Variants in MORC4 observed in about 807,000 individuals in gnomAD.
MORC4 encodes MORC family CW-type zinc finger protein 4.
A neutral mutation model predicts 65.5 loss-of-function variants in MORC4; 22 were observed. The ratio of observed to expected loss-of-function variants is 0.34; its 90% CI spans 0.24 to 0.48. MORC4 has a LOEUF of 0.48. Among genes scored for constraint, MORC4 ranks in the 20% least tolerant of loss-of-function variants. The pLI is 0.99. For synonymous variants in MORC4, 267 were observed against 255.8 expected, an observed-to-expected ratio of 1.04 and a Z score of -0.42; for missense variants, 624 against 703.0, an observed-to-expected ratio of 0.89 and a Z score of 1.27.
chrX:106,994,913 A>T (rs1358809003), intron 2 of MORC4, among the ~76,000 whole-genome samples: 1 of 111,187 alleles, frequency 9.0e-6, no homozygotes, highest in Non-Finnish European at 1.9e-5. Context: ...TGATGTTTTG[A>T]TACACTTATA....
intron 13 of MORC4, 42 bp from the exon 14 acceptor site, chrX:106,955,130 A>G (rs961931191): frequency 9.9e-6 from 10 of 1,011,839 alleles, no homozygotes; most frequent in Non-Finnish European, 1.4e-5. Flanking sequence ...TCAAATTCAA[A>G]CCAAATGCCA....
intron 11 of MORC4, among the ~76,000 whole-genome samples, chrX:106,957,398 C>T (rs1934135947): frequency 1.8e-5 from 2 of 111,643 alleles, no homozygotes; most frequent in Admixed American, 9.5e-5. Flanking sequence ...ATTTACTCTC[C>T]ATGGAAAGAT....
intron 9 of MORC4, among the ~76,000 whole-genome samples, chrX:106,972,751 C>A (rs1387270648): frequency 1.8e-5 from 2 of 111,627 alleles, no homozygotes; most frequent in African/African-American, 6.5e-5. Context: ...CCAGACTGAC[C>A]AACATGGAGA....
chrX:106,976,322 C>T (rs1237293871), intron 9 of MORC4, among the ~76,000 whole-genome samples: 1 of 111,544 alleles, frequency 9.0e-6, no homozygotes, highest in Non-Finnish European at 1.9e-5. Flanking sequence ...TTTTCATTTC[C>T]CCAGAAATCT....
At chrX:106,950,198 C>G (rs886146308) in intron 14 of MORC4, among the ~76,000 whole-genome samples, 3 of 112,280 alleles carry the variant, frequency 2.7e-5, no homozygotes, top group African/African-American at 9.7e-5. Flanking sequence ...CTGTATTTCC[C>G]TGATTCTCTC....
chrX:106,980,271 T>C (rs952839654), intron 7 of MORC4, among the ~76,000 whole-genome samples: 3 of 110,928 alleles, frequency 2.7e-5, no homozygotes, highest in Non-Finnish European at 3.8e-5. Context: ...AAGGGAGAGG[T>C]AGAAGTAAAA....
intron 8 of MORC4, among the ~76,000 whole-genome samples, chrX:106,977,028 C>T (rs1262204660): frequency 9.0e-6 from 1 of 111,218 alleles, no homozygotes; most frequent in Non-Finnish European, 1.9e-5. Context: ...AAAGAATTAC[C>T]GTGCTAAAAA....
intron 12 of MORC4, 34 bp downstream of exon 12, chrX:106,956,902 T>C: frequency 1.8e-6 from 2 of 1,089,313 alleles, no homozygotes; most frequent in Non-Finnish European, 2.5e-6. Flanking sequence ...TACTCTACCC[T>C]ATGGTAGAGA....
chrX:106,985,056 C>T, intron 5 of MORC4, 40 bp downstream of exon 5: 1 of 1,056,465 alleles, frequency 9.5e-7, no homozygotes, highest in South Asian at 2.7e-5. Flanking sequence ...CATCATACTA[C>T]CTTTGTTTAT....
Position 106,942,643 on chromosome X carries a change from T to C in MORC4, c.2248A>G (p.Arg750Gly), listed in dbSNP as rs1452550546. The change falls in exon 15 of 17, where the codon AGA (arginine) becomes GGA (glycine). Residue 750 changes from arginine (R) to glycine (G), a missense_variant. Physicochemically the swap from Arg to Gly is moderately radical, Grantham distance 125. Transcript: ENST00000355610. ...IPAAAIGEKARGYEESEGHNT... is the reference protein window; with the variant it reads ...IPAAAIGEKAGGYEESEGHNT... Reference sequence around the variant, plus strand: ...TGACCTTCGCTCTCCTCATAGCCTCTTGCTTTCTCCCCAATGGCTGCAGCA... The same window carrying C: ...TGACCTTCGCTCTCCTCATAGCCTCCTGCTTTCTCCCCAATGGCTGCAGCA... 8.3e-7 allele frequency: 1 copy of C among 1,211,678 alleles called. No homozygotes were observed.
chrX:106,978,639 CACAT>C (rs1934677135), intron 7 of MORC4, among the ~76,000 whole-genome samples: 1 of 110,839 alleles, frequency 9.0e-6, no homozygotes, highest in African/African-American at 3.3e-5. Flanking sequence ...CACACACACA[CACAT>C]GCATAGAAAG....
At chrX:106,983,027 A>T (rs1353384134) in intron 5 of MORC4, among the ~76,000 whole-genome samples, 1 of 111,701 alleles carries the variant, frequency 9.0e-6, no homozygotes, top group Admixed American at 9.5e-5. Flanking sequence ...TATTTGCATT[A>T]TACTTACTGG....
In MORC4 at chrX:106,948,940, T is replaced by C. The variant is rs770392943; in HGVS notation, c.1686-5735A>G. On this transcript the variant is annotated intron_variant, in intron 14 of 16. Transcript: ENST00000355610. The stretch of plus-strand genomic sequence containing the variant: ...GAGTTTGCTGAGCTTCCTAGATGTA[T>C]ACATTAATGTTTTTCATCAACTTTT... 2.7e-5 allele frequency among the ~76,000 whole-genome samples: 3 copies of C among 111,894 alleles called. No homozygotes were observed. In the East Asian group the frequency reaches 8.4e-4, roughly 31 times the overall value.
chrX:106,995,658 T>C (rs1280802343), intron 2 of MORC4, among the ~76,000 whole-genome samples: 2 of 112,305 alleles, frequency 1.8e-5, no homozygotes, highest in Non-Finnish European at 3.8e-5. Flanking sequence ...ATGGATGATA[T>C]AGTCAATCTT....
In MORC4 at chrX:106,985,185, G is replaced by T; in HGVS notation, c.585C>A (p.Ser195=). 6 of 1,203,594 alleles carry T rather than the reference G, an allele frequency of 5.0e-6. No homozygotes were observed. Among genetic ancestry groups the T allele is most frequent in the Non-Finnish European group, 6.7e-6 (6 of 889,804 alleles). Residue 195 remains serine, a synonymous_variant, in exon 5 of 17, where the codon TCC becomes TCA. Coordinates refer to ENST00000355610, the MANE Select transcript of MORC4 (RefSeq NM_024657.5). The part of the protein sequence containing the change: ...LPSLEAILNY[S]IFNRENDLLA... ...GCAGGTCATTTTCACGGTTGAAAAT[G>T]GAATAGTTCAAGATGGCTTCTAGGC...
chrX:106,952,433 A>C (rs1174894051), intron 14 of MORC4, among the ~76,000 whole-genome samples: 1 of 112,672 alleles, frequency 8.9e-6, no homozygotes, highest in East Asian at 2.8e-4. Flanking sequence ...ACAGTATTGT[A>C]AGTTTATGGG....
chrX:106,990,424 T>G (rs1362462562), intron 3 of MORC4, among the ~76,000 whole-genome samples: 2 of 109,807 alleles, frequency 1.8e-5, no homozygotes, highest in African/African-American at 6.6e-5. Context: ...GTTCAGCTAA[T>G]TTTTGTATTT....
intron 3 of MORC4, among the ~76,000 whole-genome samples, chrX:106,990,120 C>T (rs1255699369): frequency 3.8e-5 from 4 of 106,234 alleles, no homozygotes; most frequent in Admixed American, 2.0e-4. Flanking sequence ...ACCCAGGAGG[C>T]GGAGGTTGCA....
chrX:106,953,205 T>G (rs1184515523), intron 14 of MORC4, among the ~76,000 whole-genome samples: 1 of 111,934 alleles, frequency 8.9e-6, no homozygotes, highest in Non-Finnish European at 1.9e-5. Flanking sequence ...GAAGTTCTAT[T>G]GTACTGCATT....
Sources: allele counts gnomAD v4.1 joint callset (sites outside exome capture counted in the v4.1 genomes callset), GRCh38; gene constraint gnomAD v4.1.1; transcripts MANE v1.5; gene names NCBI Gene and HGNC (gene_info 2026-07-23, HGNC 2026-07-21).